LTBP4: variants seen among roughly 807,000 people sequenced by gnomAD.
The protein encoded by LTBP4 is latent-transforming growth factor beta-binding protein 4.
A neutral mutation model predicts 180.2 loss-of-function variants in LTBP4; 93 were observed. The observed-to-expected ratio is 0.52, with a 90% confidence interval of 0.44 to 0.61. LTBP4 has a LOEUF of 0.61. LTBP4 is among the 20% of genes least tolerant of loss of function. LTBP4 has a pLI of 0.00. For missense variants in LTBP4, 2,116 were observed against 2,256.5 expected (o/e 0.94, Z 1.26); for synonymous variants, 947 against 934.5 (o/e 1.01, Z -0.24).
In LTBP4 at chr19:40,605,569, T is replaced by C. The variant is rs754839219; in HGVS notation, c.607T>C (p.Leu203=). The C allele has an allele frequency of 1.6e-5, 25 of 1,605,622 alleles. No homozygotes were observed. The highest frequency in any genetic ancestry group is 2.0e-5 in the Non-Finnish European group (23 of 1,176,856). The change falls in exon 3 of 30, where the codon TTG becomes CTG. Residue 203 remains leucine (L), a synonymous_variant. Coordinates refer to ENST00000396819, the MANE Select transcript of LTBP4 (RefSeq NM_001042545.2). The surrounding 1 kb of genome is among the most constrained non-coding windows in gnomAD (Gnocchi z 5.5). ...GGAGGCGGCAGCGCCCTACACGGTG[T>C]TGGCACAGAGCGCGCCGCGGGAGGA... ...RAEAAAPYTV[L]AQSAPREDGY...
Position 40,610,855 on chromosome 19 carries a change from C to CTGAG in LTBP4, c.1810+200_1810+203dup, listed in dbSNP as rs2081500768. On this transcript the variant is annotated intron_variant, in intron 12 of 29. Coordinates refer to ENST00000396819, the MANE Select transcript of LTBP4 (RefSeq NM_001042545.2). ...GGCCAAGTGATGGGAAACAGAAAGGCTGAGTCATGAAAGATGGAGAAGCAG... is the reference window on the plus strand; with the variant it reads ...GGCCAAGTGATGGGAAACAGAAAGGCTGAGTGAGTCATGAAAGATGGAGAAGCAG... 1.1e-5 allele frequency: 9 copies of CTGAG among 848,374 alleles called. No individual in the cohort carries two copies. The South Asian group carries it at 1.7e-4, about 16-fold the overall frequency. 52.6% of individuals were successfully genotyped at this position (848,374 alleles called of 1,614,324 possible).
At chr19:40,617,078 C>T (rs768303914) in intron 20 of LTBP4, 22 bp from the exon 21 acceptor site, 2 of 1,613,884 alleles carry the variant, frequency 1.2e-6, no homozygotes, top group East Asian at 2.2e-5. Flanking sequence ...CCAGAAATGG[C>T]CTGACTGTCT....
upstream of LTBP4, among the ~76,000 whole-genome samples, chr19:40,596,468 G>A (rs376813817): frequency 4.8e-4 from 73 of 152,238 alleles, no homozygotes; most frequent in East Asian, 0.013. Context: ...CCCTCTGGGG[G>A]CGGCGATAAG....
At position 40,613,693 on chromosome 19, in the gene LTBP4, G is replaced by A; in HGVS notation, c.2557+164G>A. On this transcript the variant is annotated intron_variant, in intron 17 of 29. Coordinates refer to ENST00000396819, the MANE Select transcript of LTBP4 (RefSeq NM_001042545.2). The surrounding 1 kb of genome is among the most constrained non-coding windows in gnomAD (Gnocchi z 5.0). ...AGTCTCGAGGCAGTGAGGGGGGGCG[G>A]GGCGTGGAGATGAAAGGGCCGAGTC... 1 of 1,273,838 alleles carries A rather than the reference G, an allele frequency of 7.9e-7. No homozygotes were observed. Among genetic ancestry groups the A allele is most frequent in the Non-Finnish European group, 1.1e-6 (1 of 913,948 alleles). The allele number at this position is 1,273,838 out of a possible 1,614,324, so 78.9% of individuals were successfully genotyped here.
chr19:40,600,774 C>T (rs1003892867), upstream of LTBP4, among the ~76,000 whole-genome samples: 2 of 152,110 alleles, frequency 1.3e-5, no homozygotes, highest in Non-Finnish European at 2.9e-5. This position sits in a 1 kb window ranked among gnomAD's most constrained non-coding sequence, Gnocchi z 4.4. Context: ...TCCATTGTGA[C>T]TTCTCCCGCC....
In LTBP4 at chr19:40,611,313, C is replaced by A. The variant is rs769425709; in HGVS notation, c.1972C>A (p.Arg658Ser). 7.4e-6 allele frequency: 12 copies of A among 1,612,076 alleles called. No individual in the cohort carries two copies. The highest frequency in any genetic ancestry group is 2.2e-5 in the East Asian group (1 of 44,846). ...GGAGCCGCCGCCCTGTGGGCCCGGC[C>A]GCTGTGACAACACGGCAGGCTCCTT... ...AQEPPPCGPG[R>S]CDNTAGSFHC... The change falls in exon 13 of 30, where the codon CGC becomes AGC. Residue 658 changes from arginine (R) to serine (S), a missense_variant. By Grantham distance (110) the Arg-to-Ser change is moderately radical. Around this residue, in one of 5 missense-constraint regions of LTBP4, gnomAD observed 877 missense variants for 873.6 expected, o/e 1.00. Coordinates refer to ENST00000396819, the MANE Select transcript of LTBP4 (RefSeq NM_001042545.2). The surrounding 1 kb of genome is among the most constrained non-coding windows in gnomAD (Gnocchi z 4.4).
At chr19:40,601,298 G>A, upstream of LTBP4, 1 of 941,918 alleles carries the variant, frequency 1.1e-6, no homozygotes, top group Non-Finnish European at 1.3e-6. Flanking sequence ...CGGGGGCGCG[G>A]GCGACCTCCC....
chr19:40,609,253 C>T lies in LTBP4; in HGVS notation c.1427-277C>T, dbSNP rs1158125724. Among the ~76,000 whole-genome samples the T allele has an allele frequency of 1.3e-5, 2 of 152,056 alleles. No individual in the cohort carries two copies. Among genetic ancestry groups the T allele is most frequent in the Non-Finnish European group, 2.9e-5 (2 of 68,006 alleles). On this transcript the variant is annotated intron_variant, in intron 9 of 29. Transcript: ENST00000396819. The surrounding 1 kb of genome is among the most constrained non-coding windows in gnomAD (Gnocchi z 4.9). ...TATCTAATATTAGATAATTATTTCT[C>T]AGGTAGGGCACTAAGAATGTATCTC...
chr19:40,609,828 C>G lies in LTBP4; in HGVS notation c.1641C>G (p.Cys547Trp), dbSNP rs751337529. ...CACCAGGCAGCTTCCGCTGCGTGTG[C>G]GGCCCGGGCTTCCGAGCCGGCCCAC... is the stretch of plus-strand genomic sequence containing the variant. ...ENSPGSFRCVCGPGFRAGPRA... is the reference protein window; with the variant it reads ...ENSPGSFRCVWGPGFRAGPRA... Residue 547 changes from cysteine (C) to tryptophan (W), a missense_variant, in exon 11 of 30, where the codon TGC (cysteine) becomes TGG (tryptophan). Cys to Trp is a radical substitution (Grantham distance 215). Coordinates refer to ENST00000396819, the MANE Select transcript of LTBP4 (RefSeq NM_001042545.2). The surrounding 1 kb of genome is among the most constrained non-coding windows in gnomAD (Gnocchi z 4.9). 1 of 1,602,766 alleles carries G rather than the reference C, an allele frequency of 6.2e-7. No homozygotes were observed.
At position 40,613,111 on chromosome 19, in the gene LTBP4, C is replaced by T. The variant is rs1438499509; in HGVS notation, c.2346C>T (p.Gly782=). 2 of 1,608,176 alleles carry T rather than the reference C, an allele frequency of 1.2e-6. No homozygotes were observed. The highest frequency in any genetic ancestry group is 2.7e-5 in the African/African-American group (2 of 74,762). The change falls in exon 16 of 30, where the codon GGC becomes GGT. Residue 782 remains glycine, a synonymous_variant. Coordinates refer to ENST00000396819, the MANE Select transcript of LTBP4 (RefSeq NM_001042545.2). This position sits in a 1 kb window ranked among gnomAD's most constrained non-coding sequence, Gnocchi z 5.0. The stretch of plus-strand genomic sequence containing the variant: ...GTGCCCCTCCCTGTGGTCCCCACGG[C>T]CACTGCACTAACACCGAAGGCTCCT... ...SSGAPPCGPH[G]HCTNTEGSFR...
At position 40,610,516 on chromosome 19, in the gene LTBP4, TG is replaced by T; in HGVS notation, c.1685-14del. ...GCTGTCTGCCCCAGTCCCAGCCGCC[TG>T]GTCTGTGCCTACAGATGTGGACGAG... is the stretch of plus-strand genomic sequence containing the variant. On this transcript the variant is annotated splice_polypyrimidine_tract_variant and intron_variant, in intron 11 of 29. Coordinates refer to ENST00000396819, the MANE Select transcript of LTBP4 (RefSeq NM_001042545.2). 6.3e-7 allele frequency: 1 copy of T among 1,584,714 alleles called. No homozygotes were observed. Among genetic ancestry groups the T allele is most frequent in the Non-Finnish European group, 8.5e-7 (1 of 1,169,638 alleles).
rs1187664201 is a variant in LTBP4 at position 40,611,429 on chromosome 19, G to C, written c.2053+35G>C. 2 of 1,579,012 alleles carry C rather than the reference G, an allele frequency of 1.3e-6. No individual in the cohort carries two copies. The highest frequency in any genetic ancestry group is 1.1e-5 in the South Asian group (1 of 88,452). On this transcript the variant is annotated intron_variant, in intron 13 of 29. Coordinates refer to ENST00000396819, the MANE Select transcript of LTBP4 (RefSeq NM_001042545.2). The surrounding 1 kb of genome is among the most constrained non-coding windows in gnomAD (Gnocchi z 4.4). ...CTGAGCCCAGCCCTACTCCATCACT[G>C]TTTGCTGTGGAGACTGGAGAGAGAT...
At chr19:40,593,430 G>T (rs1474744960) in intron 1 of LTBP4, among the ~76,000 whole-genome samples, 1 of 152,040 alleles carries the variant, frequency 6.6e-6, no homozygotes, top group Non-Finnish European at 1.5e-5. Flanking sequence ...TTTTTGTAGA[G>T]ACATTGTCTC....
intron 22 of LTBP4, among the ~76,000 whole-genome samples, chr19:40,620,019 G>A (rs185338218): frequency 3.9e-5 from 6 of 152,302 alleles, no homozygotes; most frequent in Non-Finnish European, 4.4e-5. Flanking sequence ...ATTCTGGGCA[G>A]AGGACACAGC....
At chr19:40,600,123 CG>C, upstream of LTBP4, 1 of 1,258,656 alleles carries the variant, frequency 7.9e-7, no homozygotes, top group Non-Finnish European at 1.0e-6. This position sits in a 1 kb window ranked among gnomAD's most constrained non-coding sequence, Gnocchi z 4.4. Context: ...GCCAGGGGGC[CG>C]GGGACTACTG....
At position 40,613,291 on chromosome 19, in the gene LTBP4, G is replaced by C; in HGVS notation, c.2431+95G>C. 1 of 1,544,424 alleles carries C rather than the reference G, an allele frequency of 6.5e-7. No individual in the cohort carries two copies. Among genetic ancestry groups the C allele is most frequent in the Non-Finnish European group, 8.8e-7 (1 of 1,142,278 alleles). ...AAGGTGGAGGCGGGACCAAGGCGCT[G>C]TGGGAGGAGCTTAGAAACCTGGCAT... On this transcript the variant is annotated intron_variant, in intron 16 of 29. Coordinates refer to ENST00000396819, the MANE Select transcript of LTBP4 (RefSeq NM_001042545.2). The surrounding 1 kb of genome is among the most constrained non-coding windows in gnomAD (Gnocchi z 5.0).
chr19:40,597,233 C>T (rs772816721), upstream of LTBP4: 13 of 1,488,624 alleles, frequency 8.7e-6, no homozygotes, highest in South Asian at 2.5e-5. Flanking sequence ...GCGCCCGACA[C>T]GATGCCGAGG....
At position 40,606,456 on chromosome 19, in the gene LTBP4, C is replaced by A; in HGVS notation, c.921C>A (p.Asn307Lys). 1 of 1,587,880 alleles carries A rather than the reference C, an allele frequency of 6.3e-7. No individual in the cohort carries two copies. Among genetic ancestry groups the A allele is most frequent in the Non-Finnish European group, 8.6e-7 (1 of 1,167,852 alleles). Residue 307 changes from asparagine (N) to lysine (K), a missense_variant, in exon 6 of 30, where the codon AAC becomes AAA. Transcript: ENST00000396819. ...GCTGCCAGCACGGCGAGTGTGCAAA[C>A]ACGCGCGGCGGGTACACGTGTGTGT... ...GGRCQHGECANTRGGYTCVCP... is the reference protein window; with the variant it reads ...GGRCQHGECAKTRGGYTCVCP...
In LTBP4 at chr19:40,629,150, T is replaced by A. The variant is rs1007205858; in HGVS notation, c.4520-246T>A. Among the ~76,000 whole-genome samples the A allele has an allele frequency of 6.6e-6, 1 of 152,100 alleles. No homozygotes were observed. Among genetic ancestry groups the A allele is most frequent in the Non-Finnish European group, 1.5e-5 (1 of 68,012 alleles). On this transcript the variant is annotated intron_variant, in intron 29 of 29. Coordinates refer to ENST00000396819, the MANE Select transcript of LTBP4 (RefSeq NM_001042545.2). The surrounding 1 kb of genome is among the most constrained non-coding windows in gnomAD (Gnocchi z 4.5). The stretch of plus-strand genomic sequence containing the variant: ...AGGCATGAGCCACCGCGCCCGGCCA[T>A]TATTATTTTCTTAACAAAATCCTAG...
Sources: allele counts gnomAD v4.1 joint callset (sites outside exome capture counted in the v4.1 genomes callset), GRCh38; gene constraint gnomAD v4.1.1; regional missense constraint gnomAD v4.1.1; non-coding constraint Gnocchi (gnomAD v3.1); transcripts MANE v1.5; gene names NCBI Gene and HGNC (gene_info 2026-07-23, HGNC 2026-07-21).